Variants in GXYLT2 observed in about 807,000 individuals in gnomAD.
The protein encoded by GXYLT2 is glucoside xylosyltransferase 2.
Under a neutral mutation model 45.8 loss-of-function variants are expected in GXYLT2, and 53 were observed. The observed-to-expected ratio is 1.16, with a 90% CI of 0.93 to 1.46. The LOEUF is 1.46. Among genes scored for constraint, GXYLT2 ranks in the 40% most tolerant of loss-of-function variants. The probability of loss-of-function intolerance (pLI) is 0.00; values close to 1 mark genes in which losing one functional copy is unlikely to be tolerated. For synonymous variants in GXYLT2, 219 were observed against 214.2 expected, an observed-to-expected ratio of 1.02 and a Z score of -0.19; for missense variants, 551 against 544.4, an observed-to-expected ratio of 1.01 and a Z score of -0.12.
chr3:72,895,215 G>A (rs924690059), intron 1 of GXYLT2, among the ~76,000 whole-genome samples: 5 of 152,126 alleles, frequency 3.3e-5, no homozygotes, highest in African/African-American at 1.2e-4. Flanking sequence ...GAGAAGTGAC[G>A]CAGAGCAACC....
intron 6 of GXYLT2, among the ~76,000 whole-genome samples, chr3:72,969,446 C>A (rs1710943268): frequency 6.6e-6 from 1 of 151,290 alleles, no homozygotes; most frequent in African/African-American, 2.4e-5. Flanking sequence ...ATTCAAATGT[C>A]AGCACTGGTA....
chr3:72,888,192 G>A lies in GXYLT2; in HGVS notation c.-42G>A. On this transcript the variant is annotated 5_prime_UTR_variant, in exon 1 of 7. Coordinates refer to ENST00000389617, the MANE Select transcript of GXYLT2 (RefSeq NM_001080393.2). ...CTGCCGCCGCCGCGATGCGCAGAGG[G>A]GCCGAGCCGCCTGGGGGCCGCCGCC... is the stretch of plus-strand genomic sequence containing the variant. The A allele has an allele frequency of 1.0e-6, 1 of 983,876 alleles. No individual in the cohort carries two copies. The highest frequency in any genetic ancestry group is 4.5e-5 in the South Asian group (1 of 22,148). The allele number at this position is 983,876 out of a possible 1,614,324, so 60.9% of individuals were successfully genotyped here.
At chr3:72,921,377 A>G (rs1448885346) in intron 2 of GXYLT2, among the ~76,000 whole-genome samples, 1 of 152,070 alleles carries the variant, frequency 6.6e-6, no homozygotes, top group African/African-American at 2.4e-5. Context: ...AACACAAAAG[A>G]CATCTACTTT....
intron 1 of GXYLT2, among the ~76,000 whole-genome samples, chr3:72,896,317 G>A (rs111535210): frequency 6.6e-5 from 10 of 152,382 alleles, no homozygotes; most frequent in African/African-American, 2.4e-4. Flanking sequence ...GCTCATGCCT[G>A]TAATCCCAGC....
chr3:72,933,487 A>T (rs77688465), intron 3 of GXYLT2, among the ~76,000 whole-genome samples: 3 of 152,236 alleles, frequency 2.0e-5, no homozygotes, highest in African/African-American at 4.8e-5. Context: ...ACTGTAACGT[A>T]GTTCTTTGGT....
chr3:72,940,068 G>T (rs1048587543), intron 3 of GXYLT2, among the ~76,000 whole-genome samples: 6 of 152,174 alleles, frequency 3.9e-5, no homozygotes, highest in African/African-American at 7.2e-5. Context: ...TGAGGCAGGA[G>T]GATTGCCTAA....
intron 1 of GXYLT2, among the ~76,000 whole-genome samples, chr3:72,904,213 A>C (rs1709460464): frequency 6.6e-6 from 1 of 152,244 alleles, no homozygotes; most frequent in Non-Finnish European, 1.5e-5. Context: ...AATCCTAGTC[A>C]TTCAAGGGGT....
At chr3:72,974,955 C>G (rs1455635675) in intron 6 of GXYLT2, 22 bp from the exon 7 acceptor site, 8 of 1,500,664 alleles carry the variant, frequency 5.3e-6, no homozygotes, top group Non-Finnish European at 7.2e-6. Context: ...ACTAAATAAA[C>G]TTTTTTTTTG....
rs994596477 is a variant in GXYLT2, at chr3:72,888,217, C to T, written c.-17C>T. On this transcript the variant is annotated 5_prime_UTR_variant, in exon 1 of 7. Transcript: ENST00000389617. ...GGCCGAGCCGCCTGGGGGCCGCCGC[C>T]GCCGCCGCGCCGCACCATGAAGCTC... The T allele has an allele frequency of 2.5e-5, 25 of 989,122 alleles. No individual in the cohort carries two copies. The African/African-American group carries it at 4.4e-4, about 17-fold the overall frequency. The allele number at this position is 989,122 out of a possible 1,614,324, so 61.3% of individuals were successfully genotyped here.
intron 3 of GXYLT2, chr3:72,929,078 T>C: frequency 2.5e-6 from 4 of 1,589,582 alleles, no homozygotes; most frequent in Non-Finnish European, 1.7e-6. Flanking sequence ...GCGCCAGAGC[T>C]ACCACCAGGA....
intron 3 of GXYLT2, among the ~76,000 whole-genome samples, chr3:72,932,887 G>A (rs1000651704): frequency 6.6e-6 from 1 of 152,158 alleles, no homozygotes; most frequent in Non-Finnish European, 1.5e-5. Context: ...AAGACCCCAG[G>A]CTCTGGAAGC....
At position 72,975,369 on chromosome 3, in the gene GXYLT2, G is replaced by GAAA. The variant is rs5850090; in HGVS notation, c.*220_*222dup. On this transcript the variant is annotated 3_prime_UTR_variant, in exon 7 of 7. Coordinates refer to ENST00000389617, the MANE Select transcript of GXYLT2 (RefSeq NM_001080393.2). ...TTCTAAAATGCTATTTATCTCTAAG[G>GAAA]AAAAAAAAAAAAGACTATTACTCAT... The GAAA allele has an allele frequency of 2.2e-4, 72 of 329,682 alleles. No individual in the cohort carries two copies. Among genetic ancestry groups the GAAA allele is most frequent in the East Asian group, 2.8e-4 (6 of 21,730 alleles). 20.4% of individuals were successfully genotyped at this position (329,682 alleles called of 1,614,324 possible).
intron 2 of GXYLT2, among the ~76,000 whole-genome samples, chr3:72,912,918 AT>A (rs1487684506): frequency 6.6e-6 from 1 of 152,202 alleles, no homozygotes; most frequent in Non-Finnish European, 1.5e-5. Context: ...AACATTATAA[AT>A]TAAGAGCTAA....
Position 72,955,140 on chromosome 3 carries a change from G to C in GXYLT2, c.643G>C (p.Asp215His), listed in dbSNP as rs774450522. ...GGACTCACTTCTCTACGTGGACACC[G>C]ATGTCCTCTTTCTGAGACCTGTTGA... ...DVDSLLYVDT[D>H]VLFLRPVDDI... The change falls in exon 4 of 7, where the codon GAT (aspartate) becomes CAT (histidine). Residue 215 changes from aspartate (D) to histidine (H), a missense_variant. Transcript: ENST00000389617. 6.2e-6 allele frequency: 10 copies of C among 1,613,916 alleles called. No homozygotes were observed. Among genetic ancestry groups the C allele is most frequent in the Non-Finnish European group, 8.5e-6 (10 of 1,179,856 alleles).
At chr3:72,933,085 T>C (rs1710072343) in intron 3 of GXYLT2, among the ~76,000 whole-genome samples, 1 of 152,068 alleles carries the variant, frequency 6.6e-6, no homozygotes, top group African/African-American at 2.4e-5. Context: ...GCCTGGCACA[T>C]AGAAAGTGTT....
Position 72,925,135 on chromosome 3 carries a change from A to C in GXYLT2, c.600+2800A>C, listed in dbSNP as rs557539808. On this transcript the variant is annotated intron_variant, in intron 3 of 6. Transcript: ENST00000389617. ...AGCTGCCCAAGCTCACTTGCTCATT[A>C]TGTCATCTATTTTTCTTTTTCTTTC... 9.8e-4 allele frequency among the ~76,000 whole-genome samples: 148 copies of C among 150,258 alleles called. 1 individual carries two copies. The highest frequency in any genetic ancestry group is 3.6e-3 in the African/African-American group (145 of 40,480).
intron 5 of GXYLT2, among the ~76,000 whole-genome samples, chr3:72,960,889 T>A (rs948689888): frequency 6.6e-6 from 1 of 152,360 alleles, no homozygotes; most frequent in East Asian, 1.9e-4. Context: ...TTTATTGTTA[T>A]GGTTCTTCAG....
At chr3:72,902,158 T>G (rs1553704848) in intron 1 of GXYLT2, among the ~76,000 whole-genome samples, 1 of 152,194 alleles carries the variant, frequency 6.6e-6, no homozygotes, top group Non-Finnish European at 1.5e-5. Flanking sequence ...TGTACAACCT[T>G]TTATGTGGAC....
chr3:72,924,766 ATT>A (rs573699884), intron 3 of GXYLT2, among the ~76,000 whole-genome samples: 1 of 150,174 alleles, frequency 6.7e-6, no homozygotes, highest in East Asian at 1.9e-4. Context: ...ATTTTACCAG[ATT>A]TTTTTTTTAA....
Sources: allele counts gnomAD v4.1 joint callset (sites outside exome capture counted in the v4.1 genomes callset), GRCh38; gene constraint gnomAD v4.1.1; transcripts MANE v1.5; gene names NCBI Gene and HGNC (gene_info 2026-07-23, HGNC 2026-07-21).